Variants in LARP4B observed in about 807,000 individuals in gnomAD.
LARP4B encodes La ribonucleoprotein 4B.
Under a neutral mutation model 89.8 loss-of-function variants are expected in LARP4B, and 12 were observed. That is an observed-to-expected ratio of 0.13 (90% CI 0.09 to 0.22). The LOEUF is 0.22. LARP4B is among the 10% of genes least tolerant of loss of function. The pLI is 1.00. For missense variants in LARP4B, 757 were observed against 947.7 expected, an observed-to-expected ratio of 0.80 and a Z score of 2.64; for synonymous variants, 367 against 363.3, an observed-to-expected ratio of 1.01 and a Z score of -0.12.
the LARP4B span, among the ~76,000 whole-genome samples, chr10:938,351 C>T: frequency 2.9e-3 from 428 of 149,834 alleles, 2 homozygotes; most frequent in African/African-American, 1.0e-2. Flanking sequence ...CCCGGGTTCA[C>T]GCCATTCTCC....
chr10:814,882 A>T lies in LARP4B; in HGVS notation c.1821-32T>A. ...AAATGCCACCCGATATTTGAATCTC[A>T]TGCAACATCACAGGCCATTCAAGTC... is the stretch of plus-strand genomic sequence containing the variant. On this transcript the variant is annotated intron_variant, in intron 16 of 17. Transcript: ENST00000316157. This position sits in a 1 kb window ranked among gnomAD's most constrained non-coding sequence, Gnocchi z 4.4. The T allele has an allele frequency of 1.9e-6, 3 of 1,579,002 alleles. No individual in the cohort carries two copies. The highest frequency in any genetic ancestry group is 1.7e-6 in the Non-Finnish European group (2 of 1,156,784).
At chr10:834,927 CT>C in intron 8 of LARP4B, among the ~76,000 whole-genome samples, 1 of 151,866 alleles carries the variant, frequency 6.6e-6, no homozygotes, top group South Asian at 2.1e-4. Flanking sequence ...GTAATCCCAG[CT>C]ACTCGGGAGG....
the LARP4B span, chr10:972,373 C>T: frequency 2.4e-6 from 1 of 415,242 alleles, no homozygotes; most frequent in Admixed American, 2.8e-5. Flanking sequence ...AGGCCCTCAC[C>T]AGATGCTGGC....
intron 3 of LARP4B, among the ~76,000 whole-genome samples, chr10:876,701 C>G (rs1025098470): frequency 4.5e-4 from 68 of 149,830 alleles, no homozygotes; most frequent in African/African-American, 1.6e-3. Flanking sequence ...TTTAAGGCTC[C>G]CAGGCCACTC....
the LARP4B span, among the ~76,000 whole-genome samples, chr10:943,381 G>T: frequency 6.6e-6 from 1 of 152,122 alleles, no homozygotes; most frequent in Non-Finnish European, 1.5e-5. Flanking sequence ...AGGACAGCAA[G>T]CATTTGAACA....
intron 3 of LARP4B, among the ~76,000 whole-genome samples, chr10:881,731 C>A (rs1470734055): frequency 1.3e-5 from 2 of 152,198 alleles, no homozygotes; most frequent in African/African-American, 4.8e-5. Context: ...ATAAAGAGTG[C>A]TTCTTCTAGA....
intron 1 of LARP4B, among the ~76,000 whole-genome samples, chr10:904,587 A>T (rs1836437952): frequency 6.6e-6 from 1 of 151,910 alleles, no homozygotes; most frequent in South Asian, 2.1e-4. Flanking sequence ...AAAATAAAAT[A>T]AAAATAAATA....
At chr10:888,299 GTGACAGAGCAAGACTGTC>G (rs1179640642) in intron 1 of LARP4B, among the ~76,000 whole-genome samples, 7 of 151,136 alleles carry the variant, frequency 4.6e-5, no homozygotes, top group Admixed American at 4.6e-4. Flanking sequence ...TCCAGCCTGG[GTGACAGAGCAAGACTGTC>G]TCAAAAACAA....
At chr10:941,776 T>C in the LARP4B span, among the ~76,000 whole-genome samples, 5 of 152,004 alleles carry the variant, frequency 3.3e-5, no homozygotes, top group Admixed American at 2.0e-4. Flanking sequence ...TGTTTGTTTG[T>C]TTTGTTTTGT....
intron 1 of LARP4B, among the ~76,000 whole-genome samples, chr10:927,996 T>G (rs1057460664): frequency 6.6e-6 from 1 of 151,782 alleles, no homozygotes; most frequent in African/African-American, 2.4e-5. Flanking sequence ...GCGAATCACC[T>G]GCGGTCAGGA....
intron 1 of LARP4B, among the ~76,000 whole-genome samples, chr10:890,575 G>A (rs185535386): frequency 1.3e-4 from 20 of 152,304 alleles, no homozygotes; most frequent in African/African-American, 4.6e-4. Context: ...CAGAATGTGA[G>A]TAACTAACTT....
upstream of LARP4B, among the ~76,000 whole-genome samples, chr10:933,925 C>T (rs1830717424): frequency 6.6e-6 from 1 of 151,952 alleles, no homozygotes; most frequent in Non-Finnish European, 1.5e-5. Flanking sequence ...CTCAGTCTCC[C>T]GGGTTCAAGT....
rs773010900 is a variant in LARP4B, at chr10:829,416, G to A, written c.1094C>T (p.Ser365Leu). 1 of 1,610,950 alleles carries A rather than the reference G, an allele frequency of 6.2e-7. No individual in the cohort carries two copies. ...LYSLITPQTW[S>L]ATHSYLDPPL... ...TGGGTCAAGATAGCTGTGCGTTGCT[G>A]ACCACGTCTGGGGAGTGATCAGGCT... Residue 365 changes from serine to leucine, a missense_variant, in exon 11 of 18, where the codon TCA (serine) becomes TTA (leucine). Physicochemically the swap from Ser to Leu is moderately radical, Grantham distance 145. Coordinates refer to ENST00000316157, the MANE Select transcript of LARP4B (RefSeq NM_015155.3).
intron 1 of LARP4B, among the ~76,000 whole-genome samples, chr10:928,418 A>G (rs976965517): frequency 6.6e-6 from 1 of 152,344 alleles, no homozygotes. Context: ...GAATTTTAAC[A>G]TGACAATGAA....
At chr10:951,908 C>T in the LARP4B span, among the ~76,000 whole-genome samples, 1 of 145,968 alleles carries the variant, frequency 6.9e-6, no homozygotes, top group African/African-American at 2.6e-5. Context: ...ATCGCAGCAG[C>T]CCAGAACCAA....
intron 1 of LARP4B, among the ~76,000 whole-genome samples, chr10:906,859 T>C (rs2132005368): frequency 6.6e-6 from 1 of 152,338 alleles, no homozygotes; most frequent in African/African-American, 2.4e-5. Flanking sequence ...CATGAAACTG[T>C]GCAGAAAACC....
the LARP4B span, among the ~76,000 whole-genome samples, chr10:959,650 C>G: frequency 1.1e-3 from 15 of 13,464 alleles, 2 homozygotes; most frequent in Non-Finnish European, 1.4e-3. Context: ...CAATCCACCT[C>G]CCCGTCAATC....
intron 5 of LARP4B, among the ~76,000 whole-genome samples, chr10:854,519 G>C (rs1056667851): frequency 1.3e-5 from 2 of 152,108 alleles, no homozygotes; most frequent in Non-Finnish European, 2.9e-5. Context: ...ACCTGTCAGA[G>C]CTCTTGGGTA....
chr10:923,329 A>C lies in LARP4B; in HGVS notation c.-40+8099T>G, dbSNP rs539708226. ...GAATGGTTAAAGCAATGAACTAGAA[A>C]TCCATTGGGGTTTCCCGGCACAGGT... is the stretch of plus-strand genomic sequence containing the variant. On this transcript the variant is annotated intron_variant, in intron 1 of 17. Transcript: ENST00000316157. Among the ~76,000 whole-genome samples, 4 of 152,264 alleles carry C rather than the reference A, an allele frequency of 2.6e-5. No homozygotes were observed. The East Asian group carries it at 5.8e-4, about 22-fold the overall frequency.
Sources: allele counts gnomAD v4.1 joint callset (sites outside exome capture counted in the v4.1 genomes callset), GRCh38; gene constraint gnomAD v4.1.1; non-coding constraint Gnocchi (gnomAD v3.1); transcripts MANE v1.5; gene names NCBI Gene and HGNC (gene_info 2026-07-23, HGNC 2026-07-21).